The following TUSC3 variants were observed in gnomAD, a reference collection of about 807,000 sequenced individuals.
TUSC3 encodes the protein tumor suppressor candidate 3.
Under a neutral mutation model 44.8 loss-of-function variants are expected in TUSC3, and 45 were observed. The observed-to-expected ratio is 1.00, with a 90% CI of 0.79 to 1.29. The LOEUF is 1.29. Ranked by LOEUF, TUSC3 falls within the 50% of genes most tolerant of loss-of-function variation. The pLI is 0.00. For synonymous variants in TUSC3, 212 were observed against 152.9 expected, an observed-to-expected ratio of 1.39 and a Z score of -2.85; for missense variants, 519 against 437.9, an observed-to-expected ratio of 1.19 and a Z score of -1.65.
At chr8:15,501,387 T>A (rs1187203541) in intron 2 of TUSC3, among the ~76,000 whole-genome samples, 1 of 151,426 alleles carries the variant, frequency 6.6e-6, no homozygotes, top group African/African-American at 2.4e-5. Context: ...TCGCTATACT[T>A]CACTTTGGCA....
At chr8:15,785,434 T>C in the TUSC3 span, among the ~76,000 whole-genome samples, 35,801 of 151,574 alleles carry the variant, frequency 0.24, 5,443 homozygotes, top group Non-Finnish European at 0.32. Flanking sequence ...CATTAATTAT[T>C]GTGGACACTT....
chr8:15,756,200 T>TTAAC (rs1174343922), intron 9 of TUSC3, among the ~76,000 whole-genome samples: 1 of 152,176 alleles, frequency 6.6e-6, no homozygotes. Context: ...TTGGTTCCTC[T>TTAAC]TAACTAACTT....
rs545132529 is a variant in TUSC3, at chr8:15,679,917, G to T, written c.798+6081G>T. Among the ~76,000 whole-genome samples, 5 of 152,168 alleles carry T rather than the reference G, an allele frequency of 3.3e-5. No homozygotes were observed. In the South Asian group the frequency reaches 1.0e-3, roughly 32 times the overall value. On this transcript the variant is annotated intron_variant, in intron 6 of 10. Transcript: ENST00000503731. ...TGTAGATGTGTAACTTTACTTCTGG[G>T]TCGTCTATTGTGTTCCATTGGTCTG...
chr8:15,756,333 C>G (rs1169347052), intron 9 of TUSC3, among the ~76,000 whole-genome samples: 2 of 152,180 alleles, frequency 1.3e-5, no homozygotes, highest in East Asian at 1.9e-4. Flanking sequence ...ATGATAAAAC[C>G]TACCTCAGAA....
At chr8:15,806,789 A>G in the TUSC3 span, 1 of 814,118 alleles carries the variant, frequency 1.2e-6, no homozygotes, top group Non-Finnish European at 2.1e-6. Flanking sequence ...TTCTTTTTCT[A>G]GCGGATTTGC....
At chr8:15,812,667 T>C in the TUSC3 span, among the ~76,000 whole-genome samples, 1 of 152,170 alleles carries the variant, frequency 6.6e-6, no homozygotes, top group Non-Finnish European at 1.5e-5. Context: ...GAAAACTCCC[T>C]ATAGTGGAAA....
chr8:15,564,747 C>G (rs914890979), intron 1 of TUSC3, among the ~76,000 whole-genome samples: 3 of 152,084 alleles, frequency 2.0e-5, no homozygotes, highest in Admixed American at 6.5e-5. Context: ...CAGAGGTGAT[C>G]TGTGTCGTCT....
intron 2 of TUSC3, among the ~76,000 whole-genome samples, chr8:15,625,402 G>A (rs1207758518): frequency 6.6e-6 from 1 of 152,122 alleles, no homozygotes; most frequent in Non-Finnish European, 1.5e-5. Context: ...GGGAAATATT[G>A]TATAAAATTA....
rs549277334 is a variant in TUSC3, at chr8:15,570,954, G to GTTTT, written c.138+30403_138+30406dup. On this transcript the variant is annotated intron_variant, in intron 1 of 10. Coordinates refer to ENST00000503731, the MANE Select transcript of TUSC3 (RefSeq NM_006765.4). ...TTGCTTTCTATTCCATTGCCTATTA[G>GTTTT]TTTTTTTTTTTTTTTTTTTTGAGAT... is the stretch of plus-strand genomic sequence containing the variant. Among the ~76,000 whole-genome samples, 177 of 44,484 alleles carry GTTTT rather than the reference G, an allele frequency of 4.0e-3. 43 individuals are homozygous for GTTTT. The highest frequency in any genetic ancestry group is 0.011 in the East Asian group (11 of 1,028). The allele number at this position is 44,484 out of a possible 152,430, so 29.2% of individuals were successfully genotyped here.
chr8:15,843,926 C>A, the TUSC3 span, among the ~76,000 whole-genome samples: 5 of 152,116 alleles, frequency 3.3e-5, no homozygotes, highest in South Asian at 6.2e-4. Context: ...GTATTTGTAG[C>A]ATTTGTGTTT....
intron 8 of TUSC3, among the ~76,000 whole-genome samples, chr8:15,747,134 A>G (rs1462315823): frequency 6.6e-6 from 1 of 152,056 alleles, no homozygotes; most frequent in African/African-American, 2.4e-5. Flanking sequence ...TGCAGACCAT[A>G]TTTTGACAAA....
intron 6 of TUSC3, among the ~76,000 whole-genome samples, chr8:15,725,692 C>G (rs1810470728): frequency 6.6e-6 from 1 of 152,044 alleles, no homozygotes; most frequent in South Asian, 2.1e-4. Context: ...CATGTATTAT[C>G]AATTCACTTC....
At chr8:15,817,578 A>C in the TUSC3 span, among the ~76,000 whole-genome samples, 1 of 151,872 alleles carries the variant, frequency 6.6e-6, no homozygotes, top group Non-Finnish European at 1.5e-5. Context: ...ATGAGATCTG[A>C]TGGTTTTATA....
At chr8:15,779,673 G>A in the TUSC3 span, among the ~76,000 whole-genome samples, 192 of 152,274 alleles carry the variant, frequency 1.3e-3, 3 homozygotes, top group Admixed American at 0.012. Context: ...GATTAAAAGA[G>A]TATCAAAAGT....
intron 1 of TUSC3, among the ~76,000 whole-genome samples, chr8:15,600,695 G>C (rs1293434931): frequency 6.6e-6 from 1 of 151,668 alleles, no homozygotes; most frequent in Non-Finnish European, 1.5e-5. Flanking sequence ...GTTTTGCCAT[G>C]TAAGTTAAGA....
At chr8:15,773,907 G>A in the TUSC3 span, among the ~76,000 whole-genome samples, 1 of 152,038 alleles carries the variant, frequency 6.6e-6, no homozygotes, top group Non-Finnish European at 1.5e-5. Context: ...AACTCAAAAT[G>A]GATCAACGAT....
chr8:15,820,695 A>G, the TUSC3 span, among the ~76,000 whole-genome samples: 1 of 152,182 alleles, frequency 6.6e-6, no homozygotes, highest in African/African-American at 2.4e-5. Flanking sequence ...GGAGTTAAGT[A>G]GTAATTGCAC....
chr8:15,723,203 G>C (rs1417524612), intron 6 of TUSC3, among the ~76,000 whole-genome samples: 3 of 152,050 alleles, frequency 2.0e-5, no homozygotes, highest in Non-Finnish European at 4.4e-5. Context: ...GCCTGGGCCA[G>C]GTAAGAATTT....
chr8:15,754,537 TACCCTTTAGTGAAAATGC>T (rs1811842343), intron 9 of TUSC3, among the ~76,000 whole-genome samples: 1 of 152,226 alleles, frequency 6.6e-6, no homozygotes, highest in South Asian at 2.1e-4. Flanking sequence ...ACACTTAAGT[TACCCTTTAGTGAAAATGC>T]ACATTTGAAC....
Sources: gnomAD v4.1 joint callset for allele counts (sites outside exome capture counted in the v4.1 genomes callset) on GRCh38, gnomAD v4.1.1 for gene constraint, MANE v1.5 for transcripts, NCBI Gene and HGNC (gene_info 2026-07-23, HGNC 2026-07-21) for gene names.